Variants in REPS2 observed in about 807,000 individuals in gnomAD.
The protein encoded by REPS2 is RALBP1 associated Eps domain containing 2.
Under a neutral mutation model 53.6 loss-of-function variants are expected in REPS2, and 23 were observed. The observed-to-expected ratio is 0.43, with a 90% confidence interval of 0.31 to 0.61. The LOEUF is 0.61. Ranked by LOEUF, REPS2 falls within the 20% of genes least tolerant of loss-of-function variation. The pLI, the probability that REPS2 is intolerant of heterozygous loss-of-function variation, is 0.11. For missense variants in REPS2, 446 were observed against 534.9 expected, an observed-to-expected ratio of 0.83 and a Z score of 1.64; for synonymous variants, 238 against 218.6, an observed-to-expected ratio of 1.09 and a Z score of -0.78.
chrX:16,961,845 A>C (rs1322518252), intron 1 of REPS2, among the ~76,000 whole-genome samples: 2 of 112,177 alleles, frequency 1.8e-5, no homozygotes, highest in African/African-American at 6.5e-5. Flanking sequence ...TTGATTATTC[A>C]TTTTCCCAAA....
At chrX:17,030,342 T>TGC (rs2061693428) in intron 5 of REPS2, among the ~76,000 whole-genome samples, 1 of 101,554 alleles carries the variant, frequency 9.8e-6, no homozygotes, top group South Asian at 4.3e-4. Flanking sequence ...TGTGTGTGTG[T>TGC]GCACGCGCGG....
At chrX:16,981,008 A>G (rs912731765) in intron 1 of REPS2, among the ~76,000 whole-genome samples, 1 of 112,449 alleles carries the variant, frequency 8.9e-6, no homozygotes, top group Non-Finnish European at 1.9e-5. Context: ...CTTTCGTTTG[A>G]GAGTTTGTCT....
intron 1 of REPS2, among the ~76,000 whole-genome samples, chrX:16,972,737 G>T (rs1212186822): frequency 8.9e-6 from 1 of 111,798 alleles, no homozygotes; most frequent in Non-Finnish European, 1.9e-5. Flanking sequence ...AGGAGTGGAG[G>T]TTAACCTGTA....
At position 17,101,365 on chromosome X, in the gene REPS2, A is replaced by G. The variant is rs577845002; in HGVS notation, c.1517-2353A>G. On this transcript the variant is annotated intron_variant, in intron 13 of 17. Coordinates refer to ENST00000357277, the MANE Select transcript of REPS2 (RefSeq NM_004726.3). ...GCGTGAGCCATCGCGCCAGGCCTCTATGCCAACTCTTACAATGAGAGATTC... is the reference window on the plus strand; with the variant it reads ...GCGTGAGCCATCGCGCCAGGCCTCTGTGCCAACTCTTACAATGAGAGATTC... 3.7e-4 allele frequency among the ~76,000 whole-genome samples: 41 copies of G among 111,165 alleles called. No homozygotes were observed. The South Asian group carries it at 0.016, about 42-fold the overall frequency.
At chrX:16,999,329 T>C (rs963936064) in intron 1 of REPS2, among the ~76,000 whole-genome samples, 4 of 110,864 alleles carry the variant, frequency 3.6e-5, no homozygotes, top group Non-Finnish European at 7.6e-5. Context: ...GGTTTCTGGA[T>C]GCTATACTGA....
chrX:17,194,319 A>G, the REPS2 span, among the ~76,000 whole-genome samples: 16 of 111,499 alleles, frequency 1.4e-4, no homozygotes, highest in Non-Finnish European at 5.6e-5. Flanking sequence ...ATAGCCCAAA[A>G]CAGCTCAGAT....
At chrX:17,047,168 C>G (rs1300925701) in intron 5 of REPS2, among the ~76,000 whole-genome samples, 179 bp from the exon 6 acceptor site, 1 of 111,879 alleles carries the variant, frequency 8.9e-6, no homozygotes, top group Non-Finnish European at 1.9e-5. Context: ...ATACATAAAG[C>G]ATGATGTCTG....
chrX:17,133,065 G>A (rs1348583918), intron 14 of REPS2, among the ~76,000 whole-genome samples: 1 of 112,359 alleles, frequency 8.9e-6, no homozygotes, highest in Admixed American at 9.4e-5. Flanking sequence ...TTCTGTGCCT[G>A]CTCTGTTTTG....
chrX:17,051,497 C>G (rs2062002938), intron 6 of REPS2, among the ~76,000 whole-genome samples: 1 of 111,890 alleles, frequency 8.9e-6, no homozygotes. Context: ...TTTAAAGGCT[C>G]ATTCATGTTG....
intron 5 of REPS2, among the ~76,000 whole-genome samples, chrX:17,032,358 A>G (rs1170943129): frequency 8.9e-6 from 1 of 112,057 alleles, no homozygotes; most frequent in Admixed American, 9.4e-5. Flanking sequence ...AATGGATTTA[A>G]CAGCCCATTG....
chrX:17,008,958 C>T (rs1166161308), intron 2 of REPS2, among the ~76,000 whole-genome samples: 1 of 111,499 alleles, frequency 9.0e-6, no homozygotes, highest in Non-Finnish European at 1.9e-5. Context: ...AGCAGCCATC[C>T]TGGATTCCTC....
chrX:17,012,380 A>AAACAACAACAACAACAACAAC (rs370794081), intron 2 of REPS2, among the ~76,000 whole-genome samples: 4 of 101,904 alleles, frequency 3.9e-5, no homozygotes, highest in African/African-American at 1.5e-4. Context: ...TGCCATCTCA[A>AAACAACAACAACAACAACAAC]AACAACAACA....
At chrX:17,083,330 C>T (rs1298885152) in intron 13 of REPS2, among the ~76,000 whole-genome samples, 2 of 110,599 alleles carry the variant, frequency 1.8e-5, no homozygotes, top group Admixed American at 9.6e-5. Context: ...ATGATCCACC[C>T]GCCTCAGCCT....
At chrX:16,978,524 C>A in intron 1 of REPS2, 4 of 739,254 alleles carry the variant, frequency 5.4e-6, no homozygotes, top group Non-Finnish European at 6.4e-6. Context: ...TTTTGTTGAG[C>A]CACTCCTGCT....
chrX:16,990,422 C>T lies in REPS2; in HGVS notation c.274-15799C>T, dbSNP rs112979755. Among the ~76,000 whole-genome samples, 594 of 110,437 alleles carry T rather than the reference C, an allele frequency of 5.4e-3. 5 individuals are homozygous for T. Among genetic ancestry groups the T allele is most frequent in the African/African-American group, 0.019 (568 of 30,316 alleles). On this transcript the variant is annotated intron_variant, in intron 1 of 17. Transcript: ENST00000357277. ...GTCAGGAGTTTGAGATCAGCCTGAC[C>T]AACATGGTGAAACCCTGTTTTTACT...
At chrX:17,193,825 C>G in the REPS2 span, among the ~76,000 whole-genome samples, 1 of 111,442 alleles carries the variant, frequency 9.0e-6, no homozygotes, top group Non-Finnish European at 1.9e-5. Context: ...CTCACTGTCA[C>G]CTATTTATTT....
chrX:17,132,058 A>G (rs2063299647), intron 14 of REPS2, among the ~76,000 whole-genome samples: 1 of 111,756 alleles, frequency 8.9e-6, no homozygotes, highest in Admixed American at 9.4e-5. Context: ...TCAGAAAGCC[A>G]TGGTAAAACC....
At position 17,027,027 on chromosome X, in the gene REPS2, C is replaced by T. The variant is rs185732544; in HGVS notation, c.673+1842C>T. 1.5e-4 allele frequency among the ~76,000 whole-genome samples: 17 copies of T among 111,765 alleles called. No individual in the cohort carries two copies. In the East Asian group the frequency reaches 4.8e-3, roughly 31 times the overall value. ...CAGGCTGGTCTCGAACCCCTGGACT[C>T]AAGCGATCCGCTCTCCTTGTCCTCC... On this transcript the variant is annotated intron_variant, in intron 4 of 17. Transcript: ENST00000357277.
chrX:17,076,524 T>C (rs1442015916), intron 12 of REPS2, among the ~76,000 whole-genome samples: 1 of 112,071 alleles, frequency 8.9e-6, no homozygotes, highest in Admixed American at 9.5e-5. Context: ...ATAGGCAGTA[T>C]GAGAACATTT....
Sources: gnomAD v4.1 joint callset for allele counts (sites outside exome capture counted in the v4.1 genomes callset) on GRCh38, gnomAD v4.1.1 for gene constraint, MANE v1.5 for transcripts, NCBI Gene and HGNC (gene_info 2026-07-23, HGNC 2026-07-21) for gene names.